The following KIRREL3 variants were observed in gnomAD, a reference collection of about 807,000 sequenced individuals.
The protein encoded by KIRREL3 is kirre like nephrin family adhesion molecule 3, also known as kin of IRRE-like protein 3.
KIRREL3 carries 36 observed loss-of-function variants against 89.7 expected under a neutral mutation model. The observed-to-expected ratio is 0.40, with a 90% CI of 0.31 to 0.53. KIRREL3 has a LOEUF of 0.53. KIRREL3 is among the 20% of genes least tolerant of loss of function. KIRREL3 has a pLI of 0.49. For synonymous variants in KIRREL3, 445 were observed against 441.4 expected (o/e 1.01, Z -0.10); for missense variants, 864 against 1,056.6 (o/e 0.82, Z 2.53).
rs1191743119 is a variant in KIRREL3, at chr11:126,564,371, A to C, written c.56-1459T>G. ...CATGAGACACAGATAAGTCAAGCTCAGGGGCTCTTGCCCTAGAGAAAAACA... is the reference window on the plus strand; with the variant it reads ...CATGAGACACAGATAAGTCAAGCTCCGGGGCTCTTGCCCTAGAGAAAAACA... On this transcript the variant is annotated intron_variant, in intron 1 of 16. Transcript: ENST00000525144. The surrounding 1 kb of genome is among the most constrained non-coding windows in gnomAD (Gnocchi z 7.4). 6.6e-6 allele frequency among the ~76,000 whole-genome samples: 1 copy of C among 152,234 alleles called. No homozygotes were observed. The highest frequency in any genetic ancestry group is 1.5e-5 in the Non-Finnish European group (1 of 68,046).
intron 1 of KIRREL3, among the ~76,000 whole-genome samples, chr11:126,826,850 G>C (rs746566960): frequency 6.6e-6 from 1 of 152,190 alleles, no homozygotes; most frequent in Admixed American, 6.5e-5. Flanking sequence ...CAAAACAAAT[G>C]TTGTCATTAG....
intron 1 of KIRREL3, among the ~76,000 whole-genome samples, chr11:126,984,843 G>A (rs1385806882): frequency 6.6e-6 from 1 of 152,190 alleles, no homozygotes; most frequent in Non-Finnish European, 1.5e-5. Flanking sequence ...TCGGGGGCAG[G>A]AACCCAGGGA....
intron 1 of KIRREL3, among the ~76,000 whole-genome samples, chr11:126,646,399 C>T (rs933986326): frequency 6.6e-6 from 1 of 151,944 alleles, no homozygotes; most frequent in Non-Finnish European, 1.5e-5. Context: ...CTTGGAAAAT[C>T]CAATTGATTT....
At chr11:126,803,348 C>A (rs1951100826) in intron 1 of KIRREL3, among the ~76,000 whole-genome samples, 1 of 152,056 alleles carries the variant, frequency 6.6e-6, no homozygotes, top group African/African-American at 2.4e-5. Flanking sequence ...GTAGAGGAAA[C>A]CGTGTGTACA....
chr11:126,504,645 C>T (rs900960446), intron 4 of KIRREL3, among the ~76,000 whole-genome samples: 7 of 152,206 alleles, frequency 4.6e-5, no homozygotes, highest in African/African-American at 1.7e-4. Context: ...ATAAACACTT[C>T]CCTACTCATC....
At chr11:126,680,009 G>A (rs368441129) in intron 1 of KIRREL3, among the ~76,000 whole-genome samples, 2 of 152,184 alleles carry the variant, frequency 1.3e-5, no homozygotes, top group Admixed American at 6.5e-5. Context: ...GGTTAAGATG[G>A]CTTTGAAACC....
At chr11:126,435,917 C>T (rs537314909) in intron 12 of KIRREL3, among the ~76,000 whole-genome samples, 58 of 152,264 alleles carry the variant, frequency 3.8e-4, no homozygotes, top group African/African-American at 1.3e-3. Flanking sequence ...AGCACGAATC[C>T]CTGGTCCACC....
chr11:126,445,132 C>T, intron 9 of KIRREL3, 27 bp from the exon 10 acceptor site: 1 of 1,611,718 alleles, frequency 6.2e-7, no homozygotes, highest in Non-Finnish European at 8.5e-7. Flanking sequence ...GCTCAGATGC[C>T]AAGAGCAGGC....
intron 1 of KIRREL3, among the ~76,000 whole-genome samples, chr11:126,759,556 A>T (rs904442975): frequency 4.6e-5 from 7 of 152,228 alleles, no homozygotes; most frequent in African/African-American, 1.7e-4. Flanking sequence ...TAAAGGAAAA[A>T]TCTGTGGAGA....
chr11:126,631,779 A>C (rs975659128), intron 1 of KIRREL3, among the ~76,000 whole-genome samples: 53 of 152,222 alleles, frequency 3.5e-4, no homozygotes, highest in Admixed American at 1.2e-3. Context: ...AAAAGGCAGA[A>C]ATTATTATCC....
At chr11:126,963,907 G>A (rs1018115669) in intron 1 of KIRREL3, among the ~76,000 whole-genome samples, 1 of 152,144 alleles carries the variant, frequency 6.6e-6, no homozygotes, top group Non-Finnish European at 1.5e-5. Flanking sequence ...ATTTGCACAT[G>A]TCCCATTTCC....
At position 126,430,374 on chromosome 11, in the gene KIRREL3, G is replaced by A. The variant is rs1955086791; in HGVS notation, c.1696+1045C>T. Among the ~76,000 whole-genome samples, 1 of 152,200 alleles carries A rather than the reference G, an allele frequency of 6.6e-6. No homozygotes were observed. The highest frequency in any genetic ancestry group is 1.5e-5 in the Non-Finnish European group (1 of 68,026). On this transcript the variant is annotated intron_variant, in intron 14 of 16. Transcript: ENST00000525144. The surrounding 1 kb of genome is among the most constrained non-coding windows in gnomAD (Gnocchi z 6.6). Reference sequence around the variant, plus strand: ...GCACGAGAATCGCTTGAACCTGGGAGGCGGAGGTTGCAGTGAGCTGAGATC... The same window carrying A: ...GCACGAGAATCGCTTGAACCTGGGAAGCGGAGGTTGCAGTGAGCTGAGATC...
At chr11:126,923,129 C>CTCTTCTTCT (rs1187627189) in intron 1 of KIRREL3, among the ~76,000 whole-genome samples, 562 of 25,746 alleles carry the variant, frequency 0.022, 119 homozygotes, top group Non-Finnish European at 0.028. Context: ...TCTCCTTCTT[C>CTCTTCTTCT]TCTTCTTCTT....
intron 1 of KIRREL3, among the ~76,000 whole-genome samples, chr11:126,746,949 A>C (rs1309653042): frequency 6.6e-6 from 1 of 152,182 alleles, no homozygotes; most frequent in Non-Finnish European, 1.5e-5. Context: ...GAGGATAGAC[A>C]GTGTCTCTCT....
Position 126,953,420 on chromosome 11 carries a change from G to A in KIRREL3, c.55+47035C>T, listed in dbSNP as rs1948825577. On this transcript the variant is annotated intron_variant, in intron 1 of 16. Coordinates refer to ENST00000525144, the MANE Select transcript of KIRREL3 (RefSeq NM_032531.4). The surrounding 1 kb of genome is among the most constrained non-coding windows in gnomAD (Gnocchi z 5.2). ...TGGGTGCAGCAAACCATCATGGCAT[G>A]TGTATACCTTTGTAACAAACTGTAC... Among the ~76,000 whole-genome samples, 1 of 152,090 alleles carries A rather than the reference G, an allele frequency of 6.6e-6. No individual in the cohort carries two copies.
At chr11:126,910,663 C>A (rs1037622285) in intron 1 of KIRREL3, among the ~76,000 whole-genome samples, 7 of 152,206 alleles carry the variant, frequency 4.6e-5, no homozygotes, top group African/African-American at 1.7e-4. Flanking sequence ...TTTCTCCACC[C>A]CTTTAGGACT....
Position 127,000,358 on chromosome 11 carries a change from C to T in KIRREL3, c.55+97G>A, listed in dbSNP as rs1370526066. 2.0e-6 allele frequency: 2 copies of T among 977,516 alleles called. No individual in the cohort carries two copies. The highest frequency in any genetic ancestry group is 3.1e-6 in the Non-Finnish European group (2 of 654,736). 60.6% of individuals were successfully genotyped at this position (977,516 alleles called of 1,614,324 possible). ...GCACCGAGAGACGCATCCATCAGTCCGAGTTCCCGAAGCCTGCCCACGTTC... is the reference window on the plus strand; with the variant it reads ...GCACCGAGAGACGCATCCATCAGTCTGAGTTCCCGAAGCCTGCCCACGTTC... On this transcript the variant is annotated intron_variant, in intron 1 of 16. Transcript: ENST00000525144. This position sits in a 1 kb window ranked among gnomAD's most constrained non-coding sequence, Gnocchi z 7.1.
chr11:126,479,324 C>G (rs1460608601), intron 4 of KIRREL3, among the ~76,000 whole-genome samples: 5 of 152,186 alleles, frequency 3.3e-5, no homozygotes, highest in African/African-American at 1.2e-4. Flanking sequence ...TCCCTCCCTC[C>G]CAACCTTTCT....
At chr11:126,632,570 G>T (rs1944075948) in intron 1 of KIRREL3, among the ~76,000 whole-genome samples, 2 of 152,148 alleles carry the variant, frequency 1.3e-5, no homozygotes, top group African/African-American at 4.8e-5. Context: ...GTAAGTAATT[G>T]TGACTGACAC....
Sources: allele counts gnomAD v4.1 joint callset (sites outside exome capture counted in the v4.1 genomes callset), GRCh38; gene constraint gnomAD v4.1.1; non-coding constraint Gnocchi (gnomAD v3.1); transcripts MANE v1.5; gene names NCBI Gene and HGNC (gene_info 2026-07-23, HGNC 2026-07-21).